Variants in PPFIBP1 observed in about 807,000 individuals in gnomAD.
PPFIBP1 encodes the protein liprin-beta-1.
In PPFIBP1, 112 loss-of-function variants were observed where a neutral mutation model predicts 137.8. The observed-to-expected ratio is 0.81, with a 90% CI of 0.70 to 0.95. The LOEUF (loss-of-function observed/expected upper bound fraction) is 0.95, where lower values mean the gene tolerates loss of function less well. PPFIBP1 is among the 40% of genes least tolerant of loss of function. The pLI is 0.00. For missense variants in PPFIBP1, 1,083 were observed against 1,196.6 expected (o/e 0.91, Z 1.40); for synonymous variants, 378 against 417.3 (o/e 0.91, Z 1.15).
chr12:27,672,794 A>G (rs1049609173), intron 15 of PPFIBP1, among the ~76,000 whole-genome samples: 5 of 152,170 alleles, frequency 3.3e-5, no homozygotes, highest in Admixed American at 6.5e-5. Context: ...TTGCACTGAC[A>G]TATTTTGAGT....
intron 1 of PPFIBP1, among the ~76,000 whole-genome samples, chr12:27,546,817 C>T (rs1347394367): frequency 3.3e-5 from 5 of 152,052 alleles, no homozygotes; most frequent in African/African-American, 1.2e-4. Flanking sequence ...AGTTCGAGAC[C>T]AGCCTGGGCA....
intron 2 of PPFIBP1, among the ~76,000 whole-genome samples, chr12:27,613,950 C>T (rs1292296209): frequency 4.6e-5 from 7 of 152,142 alleles, no homozygotes; most frequent in African/African-American, 7.2e-5. Flanking sequence ...CACTGCTCCT[C>T]GGACTCCACA....
At chr12:27,662,051 T>C (rs1333751637) in intron 11 of PPFIBP1, among the ~76,000 whole-genome samples, 1 of 151,930 alleles carries the variant, frequency 6.6e-6, no homozygotes, top group African/African-American at 2.4e-5. Flanking sequence ...AATGAGGGCT[T>C]ATGAGATGCT....
chr12:27,598,584 C>G (rs1156239053), intron 2 of PPFIBP1, among the ~76,000 whole-genome samples: 1 of 150,470 alleles, frequency 6.6e-6, no homozygotes, highest in Non-Finnish European at 1.5e-5. Flanking sequence ...GTGTACACAA[C>G]TTTGAAAATA....
At chr12:27,657,458 C>T (rs970651678) in intron 9 of PPFIBP1, among the ~76,000 whole-genome samples, 2 of 149,924 alleles carry the variant, frequency 1.3e-5, no homozygotes, top group African/African-American at 4.9e-5. Context: ...GACTGTGGCC[C>T]TATGAGATAC....
chr12:27,527,631 T>A (rs1007142589), intron 1 of PPFIBP1, among the ~76,000 whole-genome samples: 5 of 152,206 alleles, frequency 3.3e-5, no homozygotes, highest in African/African-American at 1.2e-4. Flanking sequence ...TGAATGCATA[T>A]TCATTCATGT....
intron 1 of PPFIBP1, among the ~76,000 whole-genome samples, chr12:27,573,506 G>A (rs1360674157): frequency 6.6e-6 from 1 of 152,094 alleles, no homozygotes; most frequent in Non-Finnish European, 1.5e-5. Flanking sequence ...AGAAACAGGA[G>A]TAGATATGAT....
At chr12:27,598,246 A>G (rs543832434) in intron 2 of PPFIBP1, among the ~76,000 whole-genome samples, 20 of 152,350 alleles carry the variant, frequency 1.3e-4, no homozygotes, top group Admixed American at 3.3e-4. Flanking sequence ...TCACAGTTCC[A>G]TGTGGCTGGG....
intron 1 of PPFIBP1, among the ~76,000 whole-genome samples, chr12:27,529,784 A>T (rs1204993718): frequency 6.6e-6 from 1 of 152,256 alleles, no homozygotes; most frequent in African/African-American, 2.4e-5. Context: ...TCTTCAGGCC[A>T]GCAAGGTAGT....
In PPFIBP1 at chr12:27,658,854, G is replaced by A. The variant is rs755219478; in HGVS notation, c.844+6G>A. The A allele has an allele frequency of 6.2e-7, 1 of 1,612,168 alleles. No individual in the cohort carries two copies. Among genetic ancestry groups the A allele is most frequent in the Admixed American group, 1.7e-5 (1 of 59,904 alleles). On this transcript the variant is annotated splice_donor_region_variant and intron_variant, in intron 10 of 29. Transcript: ENST00000228425. ...AAAGAAGCTCAAAGAAAAAAGTAAG[G>A]TTTGGTGCATTTCCATCAGCCTTTA...
intron 2 of PPFIBP1, among the ~76,000 whole-genome samples, chr12:27,586,667 A>G (rs1454459314): frequency 4.0e-5 from 6 of 151,854 alleles, no homozygotes; most frequent in African/African-American, 1.5e-4. Flanking sequence ...ACTGCACCCC[A>G]GCCTGGGCGA....
chr12:27,602,454 A>T (rs1331630644), intron 2 of PPFIBP1, among the ~76,000 whole-genome samples: 2 of 152,252 alleles, frequency 1.3e-5, no homozygotes, highest in Non-Finnish European at 2.9e-5. Flanking sequence ...GCAGATTTCA[A>T]GTATATAAAA....
chr12:27,537,566 T>TC (rs2135939603), intron 1 of PPFIBP1, among the ~76,000 whole-genome samples: 1 of 152,240 alleles, frequency 6.6e-6, no homozygotes, highest in Non-Finnish European at 1.5e-5. Context: ...CATCCTGTGT[T>TC]CCCGGGGTGG....
chr12:27,564,567 A>T (rs1443225598), intron 1 of PPFIBP1, among the ~76,000 whole-genome samples: 2 of 152,144 alleles, frequency 1.3e-5, no homozygotes. Flanking sequence ...TGCATGACTA[A>T]CTTGTCCCTC....
chr12:27,569,684 G>T (rs1158458743), intron 1 of PPFIBP1, among the ~76,000 whole-genome samples: 2 of 152,044 alleles, frequency 1.3e-5, no homozygotes, highest in Non-Finnish European at 2.9e-5. Context: ...TCAGCCTCCC[G>T]AGTAACTGGG....
rs1252451759 is a variant in PPFIBP1, at chr12:27,595,371, A to AG, written c.-36+17136dup. ...AGTGCTGCTAACTCCTGAGGCAAGA[A>AG]GGGGAGACGTGAGAAATCCTTCACA... is the stretch of plus-strand genomic sequence containing the variant. On this transcript the variant is annotated intron_variant, in intron 2 of 29. Transcript: ENST00000228425. Among the ~76,000 whole-genome samples the AG allele has an allele frequency of 4.0e-4, 61 of 152,298 alleles. 2 individuals are homozygous for AG. Among genetic ancestry groups the AG allele is most frequent in the African/African-American group, 1.2e-3 (50 of 41,572 alleles).
chr12:27,622,430 T>C (rs75742191), intron 2 of PPFIBP1, among the ~76,000 whole-genome samples: 18 of 152,356 alleles, frequency 1.2e-4, no homozygotes, highest in Non-Finnish European at 2.1e-4. Flanking sequence ...TGCGATGTAA[T>C]TTTTAAAACA....
chr12:27,688,256 A>G, intron 25 of PPFIBP1, 42 bp from the exon 26 acceptor site: 1 of 1,601,734 alleles, frequency 6.2e-7, no homozygotes, highest in East Asian at 2.2e-5. Context: ...TAGACAGAAA[A>G]TGCAATTTAA....
chr12:27,678,854 CTCAAA>C (rs1319764663), intron 19 of PPFIBP1, among the ~76,000 whole-genome samples: 3 of 14,150 alleles, frequency 2.1e-4, no homozygotes, highest in African/African-American at 9.0e-4. Flanking sequence ...GAGACTCTGT[CTCAAA>C]AAAAAAAAAA....
Sources: gnomAD v4.1 joint callset for allele counts (sites outside exome capture counted in the v4.1 genomes callset) on GRCh38, gnomAD v4.1.1 for gene constraint, MANE v1.5 for transcripts, NCBI Gene and HGNC (gene_info 2026-07-23, HGNC 2026-07-21) for gene names.